SGO2: variants seen among roughly 807,000 people sequenced by gnomAD.
SGO2 encodes the protein shugoshin 2, also known as shugoshin-like 2.
SGO2 carries 68 observed loss-of-function variants against 99.5 expected under a neutral mutation model. The observed-to-expected ratio is 0.68, with a 90% CI of 0.56 to 0.84. The LOEUF is 0.84. SGO2 is among the 40% of genes least tolerant of loss of function. The pLI, the probability that SGO2 is intolerant of heterozygous loss-of-function variation, is 0.00. For missense variants in SGO2, 1,350 were observed against 1,436.7 expected (o/e 0.94, Z 0.97); for synonymous variants, 457 against 487.1 (o/e 0.94, Z 0.81).
At chr2:200,569,922 T>G in intron 6 of SGO2, 30 bp downstream of exon 6, 3 of 1,387,784 alleles carry the variant, frequency 2.2e-6, no homozygotes, top group Non-Finnish European at 3.1e-6. Context: ...TCATTTTGAG[T>G]ATTTGTATTA....
At chr2:200,535,975 T>C in intron 3 of SGO2, 90 bp from the exon 4 acceptor site, 2 of 767,220 alleles carry the variant, frequency 2.6e-6, no homozygotes, top group Non-Finnish European at 4.1e-6. Context: ...TTTTAAGTTT[T>C]CTCACATGGA....
intron 6 of SGO2, 28 bp from the exon 7 acceptor site, chr2:200,571,022 C>G: frequency 2.0e-6 from 3 of 1,521,902 alleles, no homozygotes; most frequent in Non-Finnish European, 2.6e-6. Flanking sequence ...TTACTTGTTT[C>G]TGAGTTTTGT....
chr2:200,570,964 A>T lies in SGO2; in HGVS notation c.704-86A>T. On this transcript the variant is annotated intron_variant, in intron 6 of 8. Coordinates refer to ENST00000357799, the MANE Select transcript of SGO2 (RefSeq NM_152524.6). This position sits in a 1 kb window ranked among gnomAD's most constrained non-coding sequence, Gnocchi z 4.4. ...CATTGTCAGAAATTATATCTGTGAA[A>T]CAGCTTGATTTCGAATCTAATTTGT... is the stretch of plus-strand genomic sequence containing the variant. The T allele has an allele frequency of 8.1e-7, 1 of 1,240,072 alleles. No individual in the cohort carries two copies. The highest frequency in any genetic ancestry group is 1.1e-6 in the Non-Finnish European group (1 of 902,560). The allele number at this position is 1,240,072 out of a possible 1,614,324, so 76.8% of individuals were successfully genotyped here.
chr2:200,555,498 A>G (rs2032670830), intron 5 of SGO2, among the ~76,000 whole-genome samples: 1 of 152,218 alleles, frequency 6.6e-6, no homozygotes, highest in Non-Finnish European at 1.5e-5. Flanking sequence ...ACAAGACAGT[A>G]CAATGATTTT....
rs372870717 is a variant in SGO2, at chr2:200,532,519, C to T, written c.-2-455C>T. 1.5e-3 allele frequency among the ~76,000 whole-genome samples: 231 copies of T among 152,102 alleles called. 1 individual carries two copies. Among genetic ancestry groups the T allele is most frequent in the African/African-American group, 5.3e-3 (218 of 41,492 alleles). ...AATGATTTCTTTATCTTCCTGTTTC[C>T]ATAATAGGCCATAAATCTAATAGAC... On this transcript the variant is annotated intron_variant, in intron 1 of 8. Coordinates refer to ENST00000357799, the MANE Select transcript of SGO2 (RefSeq NM_152524.6).
chr2:200,530,946 G>T (rs1025694794), intron 1 of SGO2, among the ~76,000 whole-genome samples: 1 of 152,220 alleles, frequency 6.6e-6, no homozygotes, highest in African/African-American at 2.4e-5. Flanking sequence ...TTGCTGTAAA[G>T]ATCTGCAGAG....
intron 5 of SGO2, among the ~76,000 whole-genome samples, chr2:200,561,741 G>T (rs551886235): frequency 2.0e-5 from 3 of 151,980 alleles, no homozygotes; most frequent in Non-Finnish European, 4.4e-5. Flanking sequence ...ACTTTTTAAT[G>T]ATCGCCATTC....
At position 200,569,967 on chromosome 2, in the gene SGO2, T is replaced by C. The variant is rs574763930; in HGVS notation, c.703+75T>C. 2.1e-5 allele frequency: 20 copies of C among 956,760 alleles called. No individual in the cohort carries two copies. In the South Asian group the frequency reaches 2.9e-4, roughly 14 times the overall value. 59.3% of individuals were successfully genotyped at this position (956,760 alleles called of 1,614,324 possible). A position where few individuals can be genotyped will look rare whatever the true frequency, so the allele number is the denominator to read the frequency against. ...ATCAGATGTTCTTCCTGAGGGCAAT[T>C]ATGTATAACAGTTAATAAGTTAGCT... On this transcript the variant is annotated intron_variant, in intron 6 of 8. Coordinates refer to ENST00000357799, the MANE Select transcript of SGO2 (RefSeq NM_152524.6).
At chr2:200,568,943 G>A (rs528949770) in intron 5 of SGO2, among the ~76,000 whole-genome samples, 60 of 151,918 alleles carry the variant, frequency 3.9e-4, no homozygotes, top group African/African-American at 1.4e-3. Context: ...AAGTGGTATA[G>A]AAATTTCCTC....
In SGO2 at chr2:200,573,069, A is replaced by G; in HGVS notation, c.2723A>G (p.Asn908Ser). 1.3e-6 allele frequency: 2 copies of G among 1,574,736 alleles called. No individual in the cohort carries two copies. Among genetic ancestry groups the G allele is most frequent in the South Asian group, 2.4e-5 (2 of 82,364 alleles). ...QNESKINKLRNKVNWKTEIIS... is the reference protein window; with the variant it reads ...QNESKINKLRSKVNWKTEIIS... ...GAATCAAAAATAAATAAGCTCAGGA[A>G]TAAAGTGAATTGGAAGACAGAAATA... The change falls in exon 7 of 9, where the codon AAT becomes AGT. Residue 908 changes from asparagine to serine, a missense_variant. Coordinates refer to ENST00000357799, the MANE Select transcript of SGO2 (RefSeq NM_152524.6).
At chr2:200,565,521 A>T (rs2033153192) in intron 5 of SGO2, among the ~76,000 whole-genome samples, 1 of 152,154 alleles carries the variant, frequency 6.6e-6, no homozygotes, top group African/African-American at 2.4e-5. Flanking sequence ...AACTTTGGTG[A>T]ATCTGACAAT....
chr2:200,541,903 C>CTAATACAGT (rs1360971955), intron 4 of SGO2, among the ~76,000 whole-genome samples: 184 of 152,292 alleles, frequency 1.2e-3, no homozygotes, highest in African/African-American at 4.3e-3. Context: ...TTTGTCTTAT[C>CTAATACAGT]ATTATGCTAA....
At chr2:200,579,512 T>A (rs528324162) in intron 8 of SGO2, among the ~76,000 whole-genome samples, 1 of 152,344 alleles carries the variant, frequency 6.6e-6, no homozygotes, top group Non-Finnish European at 1.5e-5. Context: ...GATTAAGATA[T>A]GTACATAATT....
intron 5 of SGO2, among the ~76,000 whole-genome samples, chr2:200,563,959 A>G (rs1225817939): frequency 6.6e-6 from 1 of 150,948 alleles, no homozygotes; most frequent in East Asian, 1.9e-4. Flanking sequence ...TTTCTTCTTT[A>G]TTAGTCTTGC....
At chr2:200,568,513 TC>T (rs2033277859) in intron 5 of SGO2, among the ~76,000 whole-genome samples, 1 of 152,194 alleles carries the variant, frequency 6.6e-6, no homozygotes, top group African/African-American at 2.4e-5. Context: ...CTTCGAATCT[TC>T]CTCATATATA....
rs1412188882 is a variant in SGO2 at position 200,526,943 on chromosome 2, C to G, written c.-3+691C>G. Among the ~76,000 whole-genome samples the G allele has an allele frequency of 1.3e-5, 2 of 152,144 alleles. No homozygotes were observed. The highest frequency in any genetic ancestry group is 2.9e-5 in the Non-Finnish European group (2 of 68,036). Reference sequence around the variant, plus strand: ...GTACATACATTGGCTCATTTAGTCCCTACAAGGAGATGCCCTTATTTTTTA... The same window carrying G: ...GTACATACATTGGCTCATTTAGTCCGTACAAGGAGATGCCCTTATTTTTTA... On this transcript the variant is annotated intron_variant, in intron 1 of 8. Transcript: ENST00000357799. This position sits in a 1 kb window ranked among gnomAD's most constrained non-coding sequence, Gnocchi z 4.8.
chr2:200,571,704 A>G lies in SGO2; in HGVS notation c.1358A>G (p.Asn453Ser), dbSNP rs370880356. 3.3e-5 allele frequency: 53 copies of G among 1,613,676 alleles called. No homozygotes were observed. The highest frequency in any genetic ancestry group is 6.7e-5 in the African/African-American group (5 of 74,916). Residue 453 changes from asparagine to serine, a missense_variant, in exon 7 of 9, where the codon AAT becomes AGT. Coordinates refer to ENST00000357799, the MANE Select transcript of SGO2 (RefSeq NM_152524.6). ...GCAGAAGATCCCGGTTTTATTTTCA[A>G]TAATGAACAGCTGGCTCAGATGAAT... is the stretch of plus-strand genomic sequence containing the variant. The part of the protein sequence containing the change: ...RGAEDPGFIF[N>S]NEQLAQMNEQ...
Position 200,542,194 on chromosome 2 carries a change from C to T in SGO2, c.388-385C>T, listed in dbSNP as rs115629312. Among the ~76,000 whole-genome samples the T allele has an allele frequency of 1.7e-3, 257 of 152,070 alleles. 3 individuals carry two copies. Among genetic ancestry groups the T allele is most frequent in the African/African-American group, 5.9e-3 (245 of 41,488 alleles). The stretch of plus-strand genomic sequence containing the variant: ...AAATATATAAAAGATATATTAAAAT[C>T]ACCCAGATTTTGAATTTTAAAAAGC... On this transcript the variant is annotated intron_variant, in intron 4 of 8. Transcript: ENST00000357799.
chr2:200,572,235 A>G lies in SGO2; in HGVS notation c.1889A>G (p.Tyr630Cys). 1 of 1,612,766 alleles carries G rather than the reference A, an allele frequency of 6.2e-7. No homozygotes were observed. Among genetic ancestry groups the G allele is most frequent in the Non-Finnish European group, 8.5e-7 (1 of 1,179,482 alleles). Residue 630 changes from tyrosine (Y) to cysteine (C), a missense_variant, in exon 7 of 9, where the codon TAT becomes TGT. Transcript: ENST00000357799. ...TEIISGMNHMYEDNDKDVVHG... is the reference protein window; with the variant it reads ...TEIISGMNHMCEDNDKDVVHG... ...ATAATTTCTGGAATGAACCACATGT[A>G]TGAGGATAATGATAAAGATGTGGTG...
Sources: allele counts gnomAD v4.1 joint callset (sites outside exome capture counted in the v4.1 genomes callset), GRCh38; gene constraint gnomAD v4.1.1; non-coding constraint Gnocchi (gnomAD v3.1); transcripts MANE v1.5; gene names NCBI Gene and HGNC (gene_info 2026-07-23, HGNC 2026-07-21).